ARMC8: variants seen among roughly 807,000 people sequenced by gnomAD.
ARMC8 encodes armadillo repeat-containing protein 8.
In ARMC8, 20 loss-of-function variants were observed where a neutral mutation model predicts 99.3. The ratio of observed to expected loss-of-function variants is 0.20; its 90% CI spans 0.14 to 0.29. The LOEUF (loss-of-function observed/expected upper bound fraction) is 0.29. Ranked by LOEUF, ARMC8 falls within the 10% of genes least tolerant of loss-of-function variation. The pLI is 1.00. For synonymous variants in ARMC8, 263 were observed against 278.3 expected, an observed-to-expected ratio of 0.95 and a Z score of 0.55; for missense variants, 569 against 809.5, an observed-to-expected ratio of 0.70 and a Z score of 3.60.
intron 1 of ARMC8, among the ~76,000 whole-genome samples, chr3:138,194,763 A>G (rs564749709): frequency 6.2e-4 from 95 of 152,094 alleles, no homozygotes; most frequent in African/African-American, 2.2e-3. Context: ...GCCTATAGCT[A>G]CTTAATGATT....
intron 5 of ARMC8, chr3:138,228,639 A>T: frequency 4.2e-6 from 2 of 470,878 alleles, no homozygotes; most frequent in Non-Finnish European, 8.4e-6. Context: ...TATTGAAATG[A>T]TTTTATCATG....
At chr3:138,223,920 T>C (rs1252416392) in intron 5 of ARMC8, among the ~76,000 whole-genome samples, 187 bp downstream of exon 5, 1 of 151,488 alleles carries the variant, frequency 6.6e-6, no homozygotes, top group East Asian at 1.9e-4. Context: ...GGCCAGGAGT[T>C]CAAGATCAAC....
rs191451270 is a variant in ARMC8 at position 138,199,534 on chromosome 3, C to G, written c.46-10283C>G. On this transcript the variant is annotated intron_variant, in intron 1 of 21. Coordinates refer to ENST00000469044, the MANE Select transcript of ARMC8 (RefSeq NM_001363941.2). Reference sequence around the variant, plus strand: ...TCCCTCAAAATTAGGAAAGAATTGCCTAACAATTAGTTTTGTCTAATAGTG... The same window carrying G: ...TCCCTCAAAATTAGGAAAGAATTGCGTAACAATTAGTTTTGTCTAATAGTG... 5.6e-3 allele frequency among the ~76,000 whole-genome samples: 855 copies of G among 152,186 alleles called. 9 individuals carry two copies. Among genetic ancestry groups the G allele is most frequent in the Non-Finnish European group, 0.01 (684 of 67,998 alleles).
In ARMC8 at chr3:138,209,801, T is replaced by TC. The variant is rs1194169250; in HGVS notation, c.46-10dup. 3 of 1,611,682 alleles carry TC rather than the reference T, an allele frequency of 1.9e-6. No individual in the cohort carries two copies. Among genetic ancestry groups the TC allele is most frequent in the Admixed American group, 1.7e-5 (1 of 59,920 alleles). ...GCATGGCTTCAGATGTCATAATTTT[T>TC]CCCCCCACTTTCTAGGAAGTAACAG... is the stretch of plus-strand genomic sequence containing the variant. On this transcript the variant is annotated splice_polypyrimidine_tract_variant and intron_variant, in intron 1 of 21. Coordinates refer to ENST00000469044, the MANE Select transcript of ARMC8 (RefSeq NM_001363941.2).
chr3:138,211,620 G>T (rs892326750), intron 2 of ARMC8, among the ~76,000 whole-genome samples: 2 of 152,194 alleles, frequency 1.3e-5, no homozygotes, highest in Non-Finnish European at 2.9e-5. Flanking sequence ...AGAAATGTTT[G>T]TGTGAAGGAA....
At chr3:138,242,546 TC>T (rs2108179421) in intron 11 of ARMC8, among the ~76,000 whole-genome samples, 1 of 152,286 alleles carries the variant, frequency 6.6e-6, no homozygotes, top group South Asian at 2.1e-4. Flanking sequence ...TTAGAATAGA[TC>T]GGTATTTATT....
chr3:138,281,321 TCTCA>T (rs2049902267), intron 18 of ARMC8, among the ~76,000 whole-genome samples: 1 of 150,702 alleles, frequency 6.6e-6, no homozygotes, highest in African/African-American at 2.4e-5. Context: ...TGATAGAGAG[TCTCA>T]CTCTGTTGCC....
chr3:138,248,164 G>T (rs1420465492), intron 12 of ARMC8, among the ~76,000 whole-genome samples: 1 of 152,168 alleles, frequency 6.6e-6, no homozygotes, highest in Non-Finnish European at 1.5e-5. Context: ...ACCATTGACT[G>T]TGACATGAAG....
intron 1 of ARMC8, among the ~76,000 whole-genome samples, chr3:138,205,770 C>G (rs902835852): frequency 1.3e-5 from 2 of 152,254 alleles, no homozygotes; most frequent in South Asian, 2.1e-4. Context: ...GAGACCTTGT[C>G]TCTACTAAAA....
chr3:138,221,705 C>A (rs906793399), intron 2 of ARMC8, among the ~76,000 whole-genome samples: 1 of 152,056 alleles, frequency 6.6e-6, no homozygotes, highest in Non-Finnish European at 1.5e-5. Flanking sequence ...GGAAGTCTTT[C>A]GCCAGTACTC....
chr3:138,222,107 A>G (rs1185193660), intron 3 of ARMC8, 110 bp downstream of exon 3: 1 of 742,340 alleles, frequency 1.3e-6, no homozygotes, highest in African/African-American at 1.8e-5. Context: ...AATTCTTAAA[A>G]TAAATCCTAT....
chr3:138,252,286 A>G (rs1318757923), intron 12 of ARMC8, among the ~76,000 whole-genome samples: 2 of 152,094 alleles, frequency 1.3e-5, no homozygotes, highest in African/African-American at 2.4e-5. Context: ...TTGCCGTACG[A>G]CCTTGTTGGT....
intron 1 of ARMC8, among the ~76,000 whole-genome samples, chr3:138,209,610 A>G (rs2044582180): frequency 6.6e-6 from 1 of 152,154 alleles, no homozygotes; most frequent in South Asian, 2.1e-4. Flanking sequence ...ACTGAACACT[A>G]CAGTTTCCCA....
chr3:138,252,518 A>T (rs1425804707), intron 12 of ARMC8, among the ~76,000 whole-genome samples: 2 of 146,020 alleles, frequency 1.4e-5, no homozygotes, highest in African/African-American at 5.2e-5. Flanking sequence ...CTGTGGCACG[A>T]TCTCGGCTCA....
In ARMC8 at chr3:138,188,392, T is replaced by A. The variant is rs185868026; in HGVS notation, c.45+793T>A. 74,940 of 1,437,378 alleles carry A rather than the reference T, an allele frequency of 0.052. 1,999 individuals are homozygous for A. The highest frequency in any genetic ancestry group is 0.18 in the African/African-American group (12,580 of 68,684). The allele number at this position is 1,437,378 out of a possible 1,614,324, so 89.0% of individuals were successfully genotyped here. On this transcript the variant is annotated intron_variant, in intron 1 of 21. Coordinates refer to ENST00000469044, the MANE Select transcript of ARMC8 (RefSeq NM_001363941.2). ...AAGTAAAACCTGTTTTTTTTTTTTT[T>A]AAAAAAAGTTTTTTTAAAGAAAAAG...
intron 2 of ARMC8, among the ~76,000 whole-genome samples, chr3:138,217,191 C>T (rs976219060): frequency 1.1e-4 from 16 of 152,062 alleles, no homozygotes; most frequent in Admixed American, 2.6e-4. Flanking sequence ...AACATATCCC[C>T]GTCGTCAAAT....
Position 138,270,514 on chromosome 3 carries a change from C to T in ARMC8, c.1479+382C>T, listed in dbSNP as rs77253301. ...TATGATACCAACCAGAGAGTTCTTA[C>T]CATACTTTATAGATGAAGTAAACTA... is the stretch of plus-strand genomic sequence containing the variant. On this transcript the variant is annotated intron_variant, in intron 16 of 21. Coordinates refer to ENST00000469044, the MANE Select transcript of ARMC8 (RefSeq NM_001363941.2). Among the ~76,000 whole-genome samples, 25 of 152,196 alleles carry T rather than the reference C, an allele frequency of 1.6e-4. No individual in the cohort carries two copies. The East Asian group carries it at 4.8e-3, about 29-fold the overall frequency.
chr3:138,262,946 C>T (rs973008423), intron 12 of ARMC8, among the ~76,000 whole-genome samples: 1 of 152,154 alleles, frequency 6.6e-6, no homozygotes, highest in South Asian at 2.1e-4. Context: ...CAGAATAATG[C>T]CTACAGAAGA....
rs927083340 is a variant in ARMC8 at position 138,234,969 on chromosome 3, A to T, written c.529-65A>T. On this transcript the variant is annotated intron_variant, in intron 6 of 21. Transcript: ENST00000469044. ...AATGTGGTTTTCTACATTTAAGTAA[A>T]TGTGGTTTTATTGGAATGAGTCATT... The T allele has an allele frequency of 1.1e-5, 14 of 1,316,084 alleles. No individual in the cohort carries two copies. In the East Asian group the frequency reaches 2.8e-4, roughly 26 times the overall value. The allele number at this position is 1,316,084 out of a possible 1,614,324, so 81.5% of individuals were successfully genotyped here.
Sources: allele counts gnomAD v4.1 joint callset (sites outside exome capture counted in the v4.1 genomes callset), GRCh38; gene constraint gnomAD v4.1.1; transcripts MANE v1.5; gene names NCBI Gene and HGNC (gene_info 2026-07-23, HGNC 2026-07-21).